UNC13C: variants seen among roughly 807,000 people sequenced by gnomAD.
UNC13C encodes the protein protein unc-13 homolog C.
UNC13C carries 174 observed loss-of-function variants against 245.4 expected under a neutral mutation model. The observed-to-expected ratio is 0.71, with a 90% confidence interval of 0.63 to 0.80. The LOEUF (loss-of-function observed/expected upper bound fraction) is 0.80. UNC13C is among the 30% of genes least tolerant of loss of function. The pLI is 0.00. For synonymous variants in UNC13C, 992 were observed against 895.1 expected, an observed-to-expected ratio of 1.11 and a Z score of -1.93; for missense variants, 2,829 against 2,602.9, an observed-to-expected ratio of 1.09 and a Z score of -1.89.
At chr15:53,937,547 C>T in the UNC13C span, among the ~76,000 whole-genome samples, 1 of 152,128 alleles carries the variant, frequency 6.6e-6, no homozygotes, top group Non-Finnish European at 1.5e-5. Context: ...CAGTAAGATA[C>T]TCCATGAGAA....
the UNC13C span, among the ~76,000 whole-genome samples, chr15:53,924,243 AAAAAG>A: frequency 2.8e-5 from 4 of 142,182 alleles, no homozygotes; most frequent in Admixed American, 1.4e-4. Context: ...ACAAAAACAA[AAAAAG>A]AGATAGCACG....
intron 4 of UNC13C, among the ~76,000 whole-genome samples, chr15:54,207,396 G>A (rs574476224): frequency 6.0e-4 from 91 of 152,024 alleles, no homozygotes; most frequent in Non-Finnish European, 1.0e-3. Context: ...CAGTTGTCAT[G>A]TGATCTCTTT....
At chr15:54,395,076 A>G (rs1483868366) in intron 18 of UNC13C, among the ~76,000 whole-genome samples, 4 of 151,942 alleles carry the variant, frequency 2.6e-5, no homozygotes, top group Non-Finnish European at 5.9e-5. Context: ...TGAAAAAACC[A>G]AATGCCTTCC....
chr15:54,566,203 CA>C (rs1897504570), intron 29 of UNC13C, among the ~76,000 whole-genome samples: 2 of 151,980 alleles, frequency 1.3e-5, no homozygotes, highest in East Asian at 3.9e-4. Context: ...GATACAGAGT[CA>C]AGACCAATCT....
chr15:53,931,235 C>T, the UNC13C span, among the ~76,000 whole-genome samples: 1 of 152,114 alleles, frequency 6.6e-6, no homozygotes, highest in Non-Finnish European at 1.5e-5. Flanking sequence ...GTGGCACGAT[C>T]TTGGTTCACT....
At chr15:54,203,816 A>G (rs912395615) in intron 4 of UNC13C, among the ~76,000 whole-genome samples, 5 of 107,790 alleles carry the variant, frequency 4.6e-5, no homozygotes, top group Non-Finnish European at 1.0e-4. Context: ...GTCTGTGTAT[A>G]TATACGTGTA....
intron 19 of UNC13C, among the ~76,000 whole-genome samples, chr15:54,418,847 A>T (rs1280496432): frequency 2.0e-5 from 3 of 152,138 alleles, no homozygotes; most frequent in African/African-American, 7.2e-5. Context: ...CATTGAAGGA[A>T]AGCATCAGTG....
upstream of UNC13C, chr15:53,974,715 C>T (rs1159330778): frequency 6.7e-6 from 1 of 148,476 alleles, no homozygotes; most frequent in East Asian, 2.0e-4. Flanking sequence ...AATCTCATTC[C>T]TCAGTTGGAA....
Position 54,546,853 on chromosome 15 carries a change from T to C in UNC13C, c.5820+8T>C, listed in dbSNP as rs1896507474. The C allele has an allele frequency of 6.4e-7, 1 of 1,568,426 alleles. No individual in the cohort carries two copies. Among genetic ancestry groups the C allele is most frequent in the African/African-American group, 1.4e-5 (1 of 72,888 alleles). ...CCTCTGACAGATCAAACAGTAAGTA[T>C]ATAAAGTTTAGTTATGCTTTCATTA... is the stretch of plus-strand genomic sequence containing the variant. On this transcript the variant is annotated splice_region_variant and intron_variant, in intron 27 of 32. Coordinates refer to ENST00000260323, the MANE Select transcript of UNC13C (RefSeq NM_001080534.3).
intron 17 of UNC13C, among the ~76,000 whole-genome samples, chr15:54,341,727 T>C (rs1356860817): frequency 6.6e-6 from 1 of 152,026 alleles, no homozygotes; most frequent in Non-Finnish European, 1.5e-5. Context: ...TAAAATAGTA[T>C]TTTGCTTGGG....
chr15:53,997,825 G>A (rs527273212), intron 1 of UNC13C, among the ~76,000 whole-genome samples: 1 of 151,696 alleles, frequency 6.6e-6, no homozygotes, highest in East Asian at 1.9e-4. Context: ...TTCTTTTTGA[G>A]ACCATCTCAC....
the UNC13C span, among the ~76,000 whole-genome samples, chr15:53,875,366 G>A: frequency 6.6e-6 from 1 of 152,100 alleles, no homozygotes; most frequent in Non-Finnish European, 1.5e-5. Context: ...TAATCTGAAT[G>A]TTGTTGGGTA....
intron 31 of UNC13C, among the ~76,000 whole-genome samples, chr15:54,623,566 T>C (rs1019609418): frequency 1.3e-5 from 2 of 152,182 alleles, no homozygotes; most frequent in Admixed American, 6.6e-5. Flanking sequence ...AGATATCATT[T>C]TAATTGCAGC....
intron 30 of UNC13C, among the ~76,000 whole-genome samples, chr15:54,572,311 A>C (rs1566916832): frequency 6.6e-6 from 1 of 152,150 alleles, no homozygotes. Flanking sequence ...TTAATGAAAT[A>C]CAACTTTTAA....
chr15:54,532,818 C>T (rs1180957958), intron 25 of UNC13C, 99 bp from the exon 26 acceptor site: 10 of 791,878 alleles, frequency 1.3e-5, no homozygotes, highest in Middle Eastern at 3.8e-4. Flanking sequence ...CAGGGGAATT[C>T]ACACCAGTTG....
At chr15:54,081,724 G>A (rs1311066245) in intron 2 of UNC13C, among the ~76,000 whole-genome samples, 1 of 151,986 alleles carries the variant, frequency 6.6e-6, no homozygotes, top group Non-Finnish European at 1.5e-5. Flanking sequence ...AGCAGGTTGA[G>A]TATTGTTTTT....
At chr15:54,500,026 A>C in intron 20 of UNC13C, 53 bp from the exon 21 acceptor site, 1 of 1,321,250 alleles carries the variant, frequency 7.6e-7, no homozygotes, top group South Asian at 1.3e-5. Context: ...ATTCCTGTTA[A>C]TTTTATGCAA....
At chr15:54,385,486 A>T (rs1312656847) in intron 17 of UNC13C, among the ~76,000 whole-genome samples, 1 of 152,134 alleles carries the variant, frequency 6.6e-6, no homozygotes, top group Non-Finnish European at 1.5e-5. Flanking sequence ...TGTGGGAGCT[A>T]ATAAACTTGA....
intron 1 of UNC13C, among the ~76,000 whole-genome samples, chr15:53,985,075 C>G (rs1894076577): frequency 6.6e-6 from 1 of 151,570 alleles, no homozygotes; most frequent in South Asian, 2.1e-4. Flanking sequence ...CCTATTGACC[C>G]ATCCTCTAAG....
Sources: allele counts gnomAD v4.1 joint callset (sites outside exome capture counted in the v4.1 genomes callset), GRCh38; gene constraint gnomAD v4.1.1; transcripts MANE v1.5; gene names NCBI Gene and HGNC (gene_info 2026-07-23, HGNC 2026-07-21).